The following MTBP variants were observed in gnomAD, a reference collection of about 807,000 sequenced individuals.
MTBP encodes the protein mdm2-binding protein.
A neutral mutation model predicts 117.0 loss-of-function variants in MTBP; 101 were observed. The observed-to-expected ratio is 0.86, with a 90% confidence interval of 0.73 to 1.02. MTBP has a LOEUF of 1.02. Among genes scored for constraint, MTBP ranks in the 50% least tolerant of loss-of-function variants. The probability of loss-of-function intolerance (pLI) is 0.00; values close to 1 mark genes in which losing one functional copy is unlikely to be tolerated. For missense variants in MTBP, 970 were observed against 1,030.9 expected (o/e 0.94, Z 0.81); for synonymous variants, 350 against 351.5 (o/e 1.00, Z 0.05).
chr8:120,462,618 A>T (rs1327508020), intron 9 of MTBP, among the ~76,000 whole-genome samples: 1 of 152,164 alleles, frequency 6.6e-6, no homozygotes, highest in Non-Finnish European at 1.5e-5. Flanking sequence ...TTCAGATATA[A>T]TCTATTATTA....
At chr8:120,484,363 A>C (rs1814164170) in intron 11 of MTBP, among the ~76,000 whole-genome samples, 1 of 152,122 alleles carries the variant, frequency 6.6e-6, no homozygotes, top group Non-Finnish European at 1.5e-5. Context: ...AATTGTAAAA[A>C]TTGTTTTTGT....
At chr8:120,485,455 C>A (rs1246643340) in intron 11 of MTBP, among the ~76,000 whole-genome samples, 2 of 152,060 alleles carry the variant, frequency 1.3e-5, no homozygotes, top group African/African-American at 4.8e-5. Flanking sequence ...TTTTCCACTC[C>A]AGTGTTTCCA....
intron 10 of MTBP, 79 bp downstream of exon 10, chr8:120,463,840 T>A: frequency 7.6e-7 from 1 of 1,319,492 alleles, no homozygotes. Context: ...AAAGGGAATG[T>A]AACTTATTAA....
chr8:120,502,741 G>A (rs1275967187), intron 15 of MTBP, 132 bp downstream of exon 15: 1 of 569,750 alleles, frequency 1.8e-6, no homozygotes, highest in Non-Finnish European at 3.0e-6. Flanking sequence ...TACTTACTGT[G>A]AATAGATAGT....
At chr8:120,510,455 C>T (rs1167912747) in intron 17 of MTBP, among the ~76,000 whole-genome samples, 1 of 151,912 alleles carries the variant, frequency 6.6e-6, no homozygotes, top group Non-Finnish European at 1.5e-5. Context: ...TTCTCAATAT[C>T]CTCAAACTGG....
chr8:120,459,028 T>G (rs532088878), intron 7 of MTBP, among the ~76,000 whole-genome samples, 187 bp from the exon 8 acceptor site: 2 of 152,206 alleles, frequency 1.3e-5, no homozygotes, highest in South Asian at 2.1e-4. Context: ...CATGAAAACC[T>G]GAAAAATTGA....
Position 120,455,595 on chromosome 8 carries a change from C to A in MTBP, c.629+16C>A. On this transcript the variant is annotated intron_variant, in intron 6 of 21. Coordinates refer to ENST00000305949, the MANE Select transcript of MTBP (RefSeq NM_022045.5). ...ATTGTGAAATGTAAGCTTCTTTGTT[C>A]ATATTTGATTATTGTCTGCCTTGTC... 1 of 1,601,362 alleles carries A rather than the reference C, an allele frequency of 6.2e-7. No individual in the cohort carries two copies. Among genetic ancestry groups the A allele is most frequent in the South Asian group, 1.1e-5 (1 of 90,462 alleles).
intron 11 of MTBP, among the ~76,000 whole-genome samples, chr8:120,479,038 A>G (rs1450279433): frequency 1.3e-5 from 2 of 152,198 alleles, no homozygotes; most frequent in African/African-American, 2.4e-5. Context: ...CCATTATCCT[A>G]AACGAATTAT....
At chr8:120,510,573 AC>A (rs1202436366) in intron 17 of MTBP, among the ~76,000 whole-genome samples, 1 of 152,186 alleles carries the variant, frequency 6.6e-6, no homozygotes, top group Non-Finnish European at 1.5e-5. Flanking sequence ...ACATCCAGCA[AC>A]ATTAAATATC....
At chr8:120,500,241 C>G (rs1814556013) in intron 14 of MTBP, among the ~76,000 whole-genome samples, 1 of 151,952 alleles carries the variant, frequency 6.6e-6, no homozygotes, top group South Asian at 2.1e-4. Flanking sequence ...TTTTGGCTGT[C>G]AGCATAGCCC....
chr8:120,517,804 T>C (rs759023920), intron 18 of MTBP, 47 bp from the exon 19 acceptor site: 22 of 1,551,640 alleles, frequency 1.4e-5, no homozygotes, highest in Non-Finnish European at 1.8e-5. Flanking sequence ...AACTTCGATG[T>C]TGATTCGCTT....
intron 14 of MTBP, among the ~76,000 whole-genome samples, chr8:120,499,441 A>G (rs1814535104): frequency 6.6e-6 from 1 of 152,178 alleles, no homozygotes. Flanking sequence ...TTTATTGAAT[A>G]AATGAAAGAA....
chr8:120,518,636 C>A, intron 19 of MTBP, 68 bp from the exon 20 acceptor site: 1 of 1,056,992 alleles, frequency 9.5e-7, no homozygotes, highest in Non-Finnish European at 1.4e-6. Flanking sequence ...GGATTGAACT[C>A]TAAAGCTGAA....
Position 120,451,040 on chromosome 8 carries a change from G to A in MTBP, c.237G>A (p.Trp79Ter). The A allele has an allele frequency of 6.2e-7, 1 of 1,612,618 alleles. No homozygotes were observed. Among genetic ancestry groups the A allele is most frequent in the South Asian group, 1.1e-5 (1 of 90,696 alleles). ...GAGGTATACCTGGTTCCAAGAAGTGGTTCTTTGCAGTGCAGGCAATATATG... is the reference window on the plus strand; with the variant it reads ...GAGGTATACCTGGTTCCAAGAAGTGATTCTTTGCAGTGCAGGCAATATATG... Reference protein sequence around the residue: ...SVGGIPGSKKWFFAVQAIYGF... With the variant: ...SVGGIPGSKK Residue 79 changes from tryptophan to a stop codon, truncating the protein, a stop_gained, in exon 3 of 22, where the codon TGG (tryptophan) becomes TGA (stop). Transcript: ENST00000305949. LOFTEE classifies it high-confidence loss of function.
chr8:120,490,553 CT>C lies in MTBP; in HGVS notation c.1433del (p.Leu478TrpfsTer5). 2 of 1,600,148 alleles carry C rather than the reference CT, an allele frequency of 1.2e-6. No homozygotes were observed. The highest frequency in any genetic ancestry group is 1.7e-6 in the Non-Finnish European group (2 of 1,174,360). ...CAGTTAGCTAATGTTCAAGTTTTAG[CT>C]TTGGAAGAATGCCTAAGTAAGTAAC... ...EKQLANVQVL[A>X]LEECLKRRKL... On this transcript the variant is annotated frameshift_variant, in exon 13 of 22. Coordinates refer to ENST00000305949, the MANE Select transcript of MTBP (RefSeq NM_022045.5). LOFTEE classifies it high-confidence loss of function.
chr8:120,501,739 G>A (rs1055905439), intron 14 of MTBP, among the ~76,000 whole-genome samples: 5 of 152,116 alleles, frequency 3.3e-5, no homozygotes, highest in African/African-American at 1.2e-4. Flanking sequence ...AATCCAAAAA[G>A]TAGCACAGTT....
intron 13 of MTBP, 77 bp downstream of exon 13, chr8:120,490,647 A>G (rs1454358367): frequency 2.4e-6 from 2 of 818,146 alleles, no homozygotes; most frequent in Non-Finnish European, 3.9e-6. Flanking sequence ...TTATTTGCAC[A>G]CTTTTTCATA....
intron 20 of MTBP, among the ~76,000 whole-genome samples, 200 bp downstream of exon 20, chr8:120,519,017 T>C (rs753790408): frequency 1.3e-5 from 2 of 152,008 alleles, no homozygotes; most frequent in African/African-American, 4.8e-5. Context: ...AAAGCTACAT[T>C]TTAACCAATA....
At chr8:120,494,466 C>T (rs1254295475) in intron 13 of MTBP, among the ~76,000 whole-genome samples, 13 of 152,158 alleles carry the variant, frequency 8.5e-5, no homozygotes, top group Non-Finnish European at 8.8e-5. Context: ...ATGCACTACC[C>T]ATGCCTCCCC....
Sources: gnomAD v4.1 joint callset for allele counts (sites outside exome capture counted in the v4.1 genomes callset) on GRCh38, gnomAD v4.1.1 for gene constraint, MANE v1.5 for transcripts, NCBI Gene and HGNC (gene_info 2026-07-23, HGNC 2026-07-21) for gene names.